The following MNT variants were observed in gnomAD, a reference collection of about 807,000 sequenced individuals.
The protein encoded by MNT is MAX network transcriptional repressor.
A neutral mutation model predicts 40.7 loss-of-function variants in MNT; 13 were observed. The observed-to-expected ratio is 0.32, with a 90% CI of 0.21 to 0.51. The LOEUF (loss-of-function observed/expected upper bound fraction) is 0.51, where lower values mean the gene tolerates loss of function less well. Among genes scored for constraint, MNT ranks in the 20% least tolerant of loss-of-function variants. The pLI, the probability that MNT is intolerant of heterozygous loss-of-function variation, is 0.98. For missense variants in MNT, 757 were observed against 792.0 expected (o/e 0.96, Z 0.53); for synonymous variants, 426 against 354.8 (o/e 1.20, Z -2.26).
intron 1 of MNT, chr17:2,400,390 AG>A: frequency 2.4e-6 from 1 of 412,778 alleles, no homozygotes; most frequent in Non-Finnish European, 4.4e-6. Flanking sequence ...GAAGGGGCAC[AG>A]GGGTGCCACG....
At chr17:2,394,275 A>ACGCGCG (rs372744565) in intron 3 of MNT, 30 bp downstream of exon 3, 32 of 1,515,900 alleles carry the variant, frequency 2.1e-5, no homozygotes, top group Middle Eastern at 2.0e-4. Flanking sequence ...GCACGCACGC[A>ACGCGCG]CGCACACACA....
chr17:2,387,691 G>T (rs1305130367), intron 5 of MNT, 42 bp from the exon 6 acceptor site: 8 of 1,606,964 alleles, frequency 5.0e-6, no homozygotes, highest in Non-Finnish European at 6.0e-6. Flanking sequence ...GAAGGGCGGG[G>T]AAGCAAGTGG....
intron 1 of MNT, among the ~76,000 whole-genome samples, chr17:2,397,399 A>T (rs2066585461): frequency 6.6e-6 from 1 of 151,960 alleles, no homozygotes; most frequent in Non-Finnish European, 1.5e-5. Flanking sequence ...CCCTGCCTCC[A>T]TTCCTTTGGC....
chr17:2,393,942 G>T lies in MNT; in HGVS notation c.807+101C>A, dbSNP rs919187834. 3 of 704,750 alleles carry T rather than the reference G, an allele frequency of 4.3e-6. No homozygotes were observed. In the African/African-American group the frequency reaches 5.8e-5, roughly 14 times the overall value. 43.7% of individuals were successfully genotyped at this position (704,750 alleles called of 1,614,324 possible). ...CGTGGAGGTGGGAGGGAGGCGCGGG[G>T]GAGCCGCCGGGGCGTGAGGGCGGGG... On this transcript the variant is annotated intron_variant, in intron 4 of 5. Transcript: ENST00000174618.
At chr17:2,392,037 T>C (rs2066520321) in intron 4 of MNT, 1 of 152,312 alleles carries the variant, frequency 6.6e-6, no homozygotes, top group South Asian at 2.1e-4. Context: ...CCCAGACTTA[T>C]CCTGCAGGTC....
chr17:2,394,209 G>A (rs928725940), intron 3 of MNT, 55 bp from the exon 4 acceptor site: 8 of 1,599,848 alleles, frequency 5.0e-6, no homozygotes, highest in Non-Finnish European at 6.8e-6. Context: ...CTGGGACGGG[G>A]GGAGGCAGGA....
chr17:2,388,188 T>C (rs945296103), intron 4 of MNT, 139 bp from the exon 5 acceptor site: 4 of 750,364 alleles, frequency 5.3e-6, no homozygotes, highest in African/African-American at 5.3e-5. Context: ...CGGGGGCTGC[T>C]GGAGACCGCA....
intron 4 of MNT, chr17:2,389,861 G>A (rs897711783): frequency 6.6e-6 from 1 of 152,592 alleles, no homozygotes; most frequent in Non-Finnish European, 1.5e-5. Flanking sequence ...CACCAGGACT[G>A]GGCCACTTCT....
intron 4 of MNT, among the ~76,000 whole-genome samples, chr17:2,388,861 G>A (rs941901244): frequency 1.3e-5 from 2 of 151,860 alleles, no homozygotes; most frequent in African/African-American, 4.8e-5. Context: ...TTTCGCCCAG[G>A]CACGTCATGA....
chr17:2,386,810 C>CCTGGCTG lies in MNT; in HGVS notation c.*84_*90dup. 1 of 1,346,620 alleles carries CCTGGCTG rather than the reference C, an allele frequency of 7.4e-7. No individual in the cohort carries two copies. The highest frequency in any genetic ancestry group is 9.8e-7 in the Non-Finnish European group (1 of 1,022,464). 83.4% of individuals were successfully genotyped at this position (1,346,620 alleles called of 1,614,324 possible). On this transcript the variant is annotated 3_prime_UTR_variant, in exon 6 of 6. Transcript: ENST00000174618. ...GGGTGGGTGGGGGGGCTGGCCTGGG[C>CCTGGCTG]CTGGCTGGAATGTGTGGAGCTGGTG...
chr17:2,399,764 C>G (rs914836493), intron 1 of MNT, among the ~76,000 whole-genome samples: 13 of 152,210 alleles, frequency 8.5e-5, no homozygotes, highest in Non-Finnish European at 1.9e-4. Flanking sequence ...CACGTCACCA[C>G]CCGGTGTAAC....
At position 2,395,333 on chromosome 17, in the gene MNT, C is replaced by T. The variant is rs1209658613; in HGVS notation, c.195G>A (p.Leu65=). The change falls in exon 2 of 6, where the codon CTG becomes CTA. Residue 65 remains leucine (L), a synonymous_variant. Coordinates refer to ENST00000174618, the MANE Select transcript of MNT (RefSeq NM_020310.3). ...VEEPRMEAPP[L]PLSPPAPPPA... is the part of the protein sequence containing the mutation. ...GCGGGGGAGCCGGTGGAGACAGAGG[C>T]AGGGGTGGCGCCTCCATGCGGGGTT... The T allele has an allele frequency of 6.2e-7, 1 of 1,611,026 alleles. No homozygotes were observed. The highest frequency in any genetic ancestry group is 8.5e-7 in the Non-Finnish European group (1 of 1,179,016).
In MNT at chr17:2,394,872, C is replaced by T; in HGVS notation, c.653+3G>A. 1.9e-6 allele frequency: 3 copies of T among 1,568,128 alleles called. No individual in the cohort carries two copies. The South Asian group carries it at 3.5e-5, about 18-fold the overall frequency. ...CAGCCCGACCCCGCCACACCCCACT[C>T]ACCCCCCGGGCCTCTTCTTCTGTTC... On this transcript the variant is annotated splice_donor_region_variant and intron_variant, in intron 2 of 5. Coordinates refer to ENST00000174618, the MANE Select transcript of MNT (RefSeq NM_020310.3).
chr17:2,393,939 G>C (rs552719849), intron 4 of MNT, 104 bp downstream of exon 4: 397 of 679,142 alleles, frequency 5.8e-4, no homozygotes, highest in Non-Finnish European at 7.7e-4. Context: ...AGGGAGGCGC[G>C]GGGGAGCCGC....
intron 1 of MNT, among the ~76,000 whole-genome samples, chr17:2,397,224 C>T (rs754449966): frequency 2.6e-5 from 4 of 152,140 alleles, no homozygotes; most frequent in Non-Finnish European, 5.9e-5. Context: ...AGGTTACGCC[C>T]GGGAGAAAAC....
intron 4 of MNT, among the ~76,000 whole-genome samples, chr17:2,393,316 C>T (rs912014841): frequency 6.6e-6 from 1 of 152,170 alleles, no homozygotes; most frequent in African/African-American, 2.4e-5. Context: ...GCGGCGCCCC[C>T]GGCCCGAGCA....
chr17:2,393,367 C>T (rs1167104077), intron 4 of MNT, among the ~76,000 whole-genome samples: 1 of 152,184 alleles, frequency 6.6e-6, no homozygotes, highest in African/African-American at 2.4e-5. Flanking sequence ...GACGCGCAGC[C>T]GGGAGGGCCC....
chr17:2,388,047 G>T lies in MNT; in HGVS notation c.810C>A (p.Ser270=). Residue 270 remains serine (S), a splice_region_variant and synonymous_variant, in exon 5 of 6, where the codon TCC becomes TCA. Transcript: ENST00000174618. ...VLRTALRYIQ[S]LKRKEKEYEH... is the part of the protein sequence containing the mutation. ...CATATTCCTTCTCCTTCCTCTTCAG[G>T]GACTGGCACACAGAGTAAGGGACAG... 1 of 1,555,514 alleles carries T rather than the reference G, an allele frequency of 6.4e-7. No homozygotes were observed. Among genetic ancestry groups the T allele is most frequent in the East Asian group, 2.4e-5 (1 of 41,464 alleles).
chr17:2,387,527 G>A lies in MNT; in HGVS notation c.1123C>T (p.Pro375Ser), dbSNP rs755714825. Residue 375 changes from proline (P) to serine (S), a missense_variant, in exon 6 of 6, where the codon CCT (proline) becomes TCT (serine). Transcript: ENST00000174618. The part of the protein sequence containing the change: ...KSTLPPPSTT[P>S]APLPPHPHPH... Reference sequence around the variant, plus strand: ...TGTGGGTGTGGAGGCAGAGGCGCAGGGGTGGTGCTGGGGGGTGGCAGGGTG... The same window carrying A: ...TGTGGGTGTGGAGGCAGAGGCGCAGAGGTGGTGCTGGGGGGTGGCAGGGTG... The A allele has an allele frequency of 3.1e-6, 5 of 1,613,482 alleles. No homozygotes were observed. The highest frequency in any genetic ancestry group is 4.2e-6 in the Non-Finnish European group (5 of 1,179,882).
Sources: gnomAD v4.1 joint callset for allele counts (sites outside exome capture counted in the v4.1 genomes callset) on GRCh38, gnomAD v4.1.1 for gene constraint, MANE v1.5 for transcripts, NCBI Gene and HGNC (gene_info 2026-07-23, HGNC 2026-07-21) for gene names.